Variants in ASIC2 observed in about 807,000 individuals in gnomAD.
ASIC2 encodes acid-sensing ion channel 2.
Under a neutral mutation model 57.3 loss-of-function variants are expected in ASIC2, and 25 were observed. The ratio of observed to expected loss-of-function variants is 0.44; its 90% CI spans 0.32 to 0.61. The LOEUF (loss-of-function observed/expected upper bound fraction) is 0.61, where lower values mean the gene tolerates loss of function less well. ASIC2 is among the 20% of genes least tolerant of loss of function. The pLI is 0.06. For synonymous variants in ASIC2, 319 were observed against 307.5 expected (o/e 1.04, Z -0.39); for missense variants, 641 against 738.1 (o/e 0.87, Z 1.52).
chr17:33,598,868 T>C (rs1905051303), intron 1 of ASIC2, among the ~76,000 whole-genome samples: 1 of 152,212 alleles, frequency 6.6e-6, no homozygotes, highest in African/African-American at 2.4e-5. Context: ...TTTTGGAAAT[T>C]ACCTAGTCTA....
At chr17:33,253,961 C>T (rs975616694) in intron 1 of ASIC2, among the ~76,000 whole-genome samples, 2 of 152,164 alleles carry the variant, frequency 1.3e-5, no homozygotes, top group Non-Finnish European at 2.9e-5. Flanking sequence ...TTCCCAGGAT[C>T]TTGTTTCCTC....
intron 1 of ASIC2, among the ~76,000 whole-genome samples, chr17:33,951,136 T>C (rs1027816216): frequency 6.6e-6 from 1 of 152,202 alleles, no homozygotes; most frequent in African/African-American, 2.4e-5. Flanking sequence ...TTTGGCAAGA[T>C]TATTATGATT....
At chr17:33,031,352 C>G (rs1044361412) in intron 3 of ASIC2, among the ~76,000 whole-genome samples, 4 of 152,048 alleles carry the variant, frequency 2.6e-5, no homozygotes, top group African/African-American at 9.7e-5. Context: ...GTAGGATTTA[C>G]AGTTATGTCT....
At chr17:33,484,900 A>C (rs145750742) in intron 1 of ASIC2, among the ~76,000 whole-genome samples, 36 of 152,378 alleles carry the variant, frequency 2.4e-4, no homozygotes, top group African/African-American at 7.7e-4. Flanking sequence ...TTAAAAGTAG[A>C]TATAAATACA....
chr17:34,088,567 C>T (rs377425873), intron 1 of ASIC2, among the ~76,000 whole-genome samples: 2,901 of 152,326 alleles, frequency 0.019, 92 homozygotes, highest in East Asian at 0.059. Flanking sequence ...CTCTTCAAAG[C>T]TGTCAGACAG....
intron 1 of ASIC2, among the ~76,000 whole-genome samples, chr17:34,012,219 C>A (rs1053357123): frequency 3.9e-5 from 6 of 152,178 alleles, no homozygotes; most frequent in African/African-American, 7.2e-5. Context: ...GCCCCCGAAC[C>A]ACCATGACCC....
chr17:33,285,998 C>T lies in ASIC2; in HGVS notation c.708+5410G>A, dbSNP rs541244860. Among the ~76,000 whole-genome samples the T allele has an allele frequency of 7.2e-5, 11 of 152,294 alleles. No homozygotes were observed. In the South Asian group the frequency reaches 2.1e-3, roughly 29 times the overall value. On this transcript the variant is annotated intron_variant, in intron 1 of 9. Coordinates refer to ENST00000225823, the MANE Select transcript of ASIC2 (RefSeq NM_183377.2). Reference sequence around the variant, plus strand: ...TAGGGCCAGGAATGGGTCTAAGCACCTCACATGTATTAGCTTATTTATTCC... The same window carrying T: ...TAGGGCCAGGAATGGGTCTAAGCACTTCACATGTATTAGCTTATTTATTCC...
At chr17:33,469,547 G>A (rs544477736) in intron 1 of ASIC2, among the ~76,000 whole-genome samples, 12 of 152,296 alleles carry the variant, frequency 7.9e-5, no homozygotes, top group Non-Finnish European at 1.8e-4. Flanking sequence ...ACCATCATGA[G>A]TAATCCTTGC....
chr17:34,095,647 AT>A (rs1567818932), intron 1 of ASIC2, among the ~76,000 whole-genome samples: 1 of 100,966 alleles, frequency 9.9e-6, no homozygotes, highest in African/African-American at 4.7e-5. Context: ...ATATATATAT[AT>A]ATATATAATT....
chr17:33,095,417 G>C (rs1261146069), intron 2 of ASIC2, among the ~76,000 whole-genome samples: 2 of 152,236 alleles, frequency 1.3e-5, no homozygotes. Flanking sequence ...CTTGGGGACA[G>C]GGTCAATGTT....
intron 3 of ASIC2, among the ~76,000 whole-genome samples, chr17:33,058,689 T>C (rs2092008363): frequency 6.6e-6 from 1 of 152,126 alleles, no homozygotes; most frequent in Admixed American, 6.6e-5. Context: ...TGAAAATCTT[T>C]GGGAAAATAC....
At chr17:34,065,377 A>G (rs1312270477) in intron 1 of ASIC2, among the ~76,000 whole-genome samples, 2 of 152,144 alleles carry the variant, frequency 1.3e-5, no homozygotes, top group Non-Finnish European at 2.9e-5. Context: ...AAGGGGAGCT[A>G]GGGATAAAAG....
At chr17:33,661,691 G>T (rs1448999150) in intron 1 of ASIC2, among the ~76,000 whole-genome samples, 5 of 152,214 alleles carry the variant, frequency 3.3e-5, no homozygotes, top group African/African-American at 7.2e-5. Flanking sequence ...TAGTTTGAAG[G>T]CTGGGAATGA....
chr17:33,634,501 A>G lies in ASIC2; in HGVS notation c.555+521477T>C, dbSNP rs1156326792. Among the ~76,000 whole-genome samples, 20 of 149,856 alleles carry G rather than the reference A, an allele frequency of 1.3e-4. 1 individual carries two copies. The Admixed American group carries it at 1.3e-3, about 10-fold the overall frequency. ...TTGATACTGGATATTCAGAGAGAGA[A>G]AAACTTTTTTTTCTTTTTTTTTTTT... On this transcript the variant is annotated intron_variant, in intron 1 of 9. Transcript: ENST00000359872.
intron 1 of ASIC2, among the ~76,000 whole-genome samples, chr17:33,989,642 G>T (rs1242422715): frequency 6.6e-6 from 1 of 152,026 alleles, no homozygotes; most frequent in Non-Finnish European, 1.5e-5. Context: ...TACTTTTGAG[G>T]ATTAGATAAG....
At position 33,444,436 on chromosome 17, in the gene ASIC2, CA is replaced by C. The variant is rs1343244681; in HGVS notation, c.556-332370del. ...GTCATAGAAATAGTGAGGAGTGAGT[CA>C]GGGGTGCAGAGCAGTGGAGGCAAGA... On this transcript the variant is annotated intron_variant, in intron 1 of 9. Transcript: ENST00000359872. Among the ~76,000 whole-genome samples the C allele has an allele frequency of 2.8e-4, 43 of 152,148 alleles. 1 individual carries two copies. Among genetic ancestry groups the C allele is most frequent in the Non-Finnish European group, 1.5e-5 (1 of 68,026 alleles).
intron 1 of ASIC2, among the ~76,000 whole-genome samples, chr17:33,676,729 A>C (rs562564579): frequency 2.7e-4 from 41 of 152,382 alleles, no homozygotes; most frequent in African/African-American, 9.4e-4. Context: ...GTGCTGATGT[A>C]GAAGCTGCAG....
chr17:33,196,299 A>G (rs904550840), intron 1 of ASIC2, among the ~76,000 whole-genome samples: 1 of 149,498 alleles, frequency 6.7e-6, no homozygotes, highest in African/African-American at 2.6e-5. Context: ...TTAAAAGTAC[A>G]CGAGACGATG....
Position 33,392,260 on chromosome 17 carries a change from CTCTT to C in ASIC2, c.556-280197_556-280194del, listed in dbSNP as rs370917339. On this transcript the variant is annotated intron_variant, in intron 1 of 9. Coordinates refer to the ASIC2 transcript ENST00000359872. ...CTTCCTTTTCTTTCTTTCTCTGTCTCTCTTTCTTTCTTTTTTTTTTGACAGAGTC... is the reference window on the plus strand; with the variant it reads ...CTTCCTTTTCTTTCTTTCTCTGTCTCTCTTTCTTTTTTTTTTGACAGAGTC... 5.5e-4 allele frequency among the ~76,000 whole-genome samples: 76 copies of C among 139,070 alleles called. 1 individual carries two copies. The highest frequency in any genetic ancestry group is 2.3e-3 in the East Asian group (11 of 4,742). 91.2% of individuals were successfully genotyped at this position (139,070 alleles called of 152,430 possible).
Sources: allele counts gnomAD v4.1 joint callset (sites outside exome capture counted in the v4.1 genomes callset), GRCh38; gene constraint gnomAD v4.1.1; transcripts MANE v1.5; gene names NCBI Gene and HGNC (gene_info 2026-07-23, HGNC 2026-07-21).